TMCC1: variants seen among roughly 807,000 people sequenced by gnomAD.
TMCC1 encodes the protein transmembrane and coiled-coil domains protein 1.
In TMCC1, 15 loss-of-function variants were observed where a neutral mutation model predicts 52.4. That is an observed-to-expected ratio of 0.29 (90% CI 0.19 to 0.44). TMCC1 has a LOEUF of 0.44. Ranked by LOEUF, TMCC1 falls within the 20% of genes least tolerant of loss-of-function variation. TMCC1 has a pLI of 1.00. For missense variants in TMCC1, 503 were observed against 806.0 expected (o/e 0.62, Z 4.55); for synonymous variants, 279 against 301.9 (o/e 0.92, Z 0.79).
rs1033542048 is a variant in TMCC1, at chr3:129,828,069, G to A, written c.310C>T (p.Arg104Cys). Reference protein sequence around the residue: ...GVPTHPTALNRVLQQIRVPPK... With the variant: ...GVPTHPTALNCVLQQIRVPPK... ...GGCACTCGAATCTGCTGCAGGACACGATTCAGAGCTGTGGGGTGGGTGGGG... is the reference window on the plus strand; with the variant it reads ...GGCACTCGAATCTGCTGCAGGACACAATTCAGAGCTGTGGGGTGGGTGGGG... The change falls in exon 4 of 7, where the codon CGT becomes TGT. Residue 104 changes from arginine (R) to cysteine (C), a missense_variant. Around this residue, in one of 7 missense-constraint regions of TMCC1, gnomAD observed 217 missense variants for 297.9 expected, o/e 0.73. Transcript: ENST00000393238. This position sits in a 1 kb window ranked among gnomAD's most constrained non-coding sequence, Gnocchi z 4.1. The A allele has an allele frequency of 6.2e-7, 1 of 1,614,140 alleles. No individual in the cohort carries two copies.
chr3:129,848,725 G>A (rs1334513126), intron 2 of TMCC1, among the ~76,000 whole-genome samples: 4 of 152,088 alleles, frequency 2.6e-5, no homozygotes, highest in Non-Finnish European at 5.9e-5. Flanking sequence ...CCTCAAATGA[G>A]CATTTGATTC....
intron 4 of TMCC1, among the ~76,000 whole-genome samples, chr3:129,681,132 A>C (rs1279024424): frequency 1.3e-5 from 2 of 152,146 alleles, no homozygotes; most frequent in African/African-American, 4.8e-5. Flanking sequence ...GTATATTATA[A>C]TATTTATGGC....
At chr3:129,691,715 T>A (rs2047042408) in intron 4 of TMCC1, among the ~76,000 whole-genome samples, 1 of 152,138 alleles carries the variant, frequency 6.6e-6, no homozygotes, top group Admixed American at 6.5e-5. Context: ...GCCTAGGAGT[T>A]TGAGCTGCAG....
At chr3:129,872,695 A>G (rs72987390) in intron 2 of TMCC1, among the ~76,000 whole-genome samples, 14,781 of 152,058 alleles carry the variant, frequency 0.097, 849 homozygotes, top group Middle Eastern at 0.16. Context: ...AAGCCAACAT[A>G]ATGAGGAAAA....
chr3:129,664,896 C>T (rs1488054166), intron 5 of TMCC1, among the ~76,000 whole-genome samples: 2 of 152,126 alleles, frequency 1.3e-5, no homozygotes, highest in African/African-American at 4.8e-5. Flanking sequence ...TGTGACCTGG[C>T]AAAAGTCACT....
intron 4 of TMCC1, among the ~76,000 whole-genome samples, chr3:129,697,703 C>T (rs1241906089): frequency 6.6e-6 from 1 of 152,180 alleles, no homozygotes; most frequent in East Asian, 1.9e-4. Flanking sequence ...CTGCCAGATA[C>T]TGTAAATAAT....
chr3:129,752,620 C>T (rs1463183456), intron 4 of TMCC1, among the ~76,000 whole-genome samples: 1 of 151,898 alleles, frequency 6.6e-6, no homozygotes, highest in Admixed American at 6.6e-5. Context: ...GAGCCAAGAT[C>T]ACGCCACTGC....
intron 4 of TMCC1, among the ~76,000 whole-genome samples, chr3:129,751,886 A>G (rs1341676378): frequency 1.3e-5 from 2 of 152,122 alleles, no homozygotes; most frequent in Non-Finnish European, 2.9e-5. Context: ...TATCTTCAAC[A>G]TTCATACTGA....
intron 4 of TMCC1, among the ~76,000 whole-genome samples, chr3:129,727,781 T>G (rs1027792450): frequency 6.6e-6 from 1 of 152,218 alleles, no homozygotes; most frequent in African/African-American, 2.4e-5. Context: ...CGTAGTCTTC[T>G]TCCCATACTG....
At chr3:129,686,991 C>T (rs1384391552) in intron 4 of TMCC1, among the ~76,000 whole-genome samples, 1 of 152,136 alleles carries the variant, frequency 6.6e-6, no homozygotes, top group East Asian at 1.9e-4. Context: ...TTCACTGCTT[C>T]TTAGAATTGA....
chr3:129,833,224 T>A (rs1167240728), intron 2 of TMCC1, among the ~76,000 whole-genome samples: 1 of 152,016 alleles, frequency 6.6e-6, no homozygotes, highest in Non-Finnish European at 1.5e-5. Context: ...ATAAGTAAAA[T>A]TTTTTTTCAA....
chr3:129,683,809 T>C (rs535840753), intron 4 of TMCC1, among the ~76,000 whole-genome samples: 2 of 152,262 alleles, frequency 1.3e-5, no homozygotes, highest in African/African-American at 4.8e-5. Context: ...TTAAGAGAAA[T>C]TTATTTAAAC....
At chr3:129,797,161 C>A (rs1172694167) in intron 4 of TMCC1, among the ~76,000 whole-genome samples, 2 of 151,972 alleles carry the variant, frequency 1.3e-5, no homozygotes, top group African/African-American at 4.8e-5. Flanking sequence ...CCCATCTCTA[C>A]TAAAAATACA....
chr3:129,868,309 C>T (rs189226141), intron 2 of TMCC1, among the ~76,000 whole-genome samples: 1 of 152,276 alleles, frequency 6.6e-6, no homozygotes, highest in East Asian at 1.9e-4. Flanking sequence ...GAACATTATT[C>T]CTGGCAGAAA....
At chr3:129,794,497 A>G in intron 4 of TMCC1, 1 of 388,642 alleles carries the variant, frequency 2.6e-6, no homozygotes, top group Non-Finnish European at 5.0e-6. Flanking sequence ...GTCTTAGCAA[A>G]CTTGGAAAGC....
chr3:129,736,601 C>T (rs1357631612), intron 4 of TMCC1, among the ~76,000 whole-genome samples: 1 of 151,500 alleles, frequency 6.6e-6, no homozygotes, highest in East Asian at 1.9e-4. Flanking sequence ...GGCTCACTGC[C>T]ACCCCCACCT....
chr3:129,691,445 G>A (rs1253779084), intron 4 of TMCC1, among the ~76,000 whole-genome samples: 1 of 152,068 alleles, frequency 6.6e-6, no homozygotes, highest in East Asian at 1.9e-4. Flanking sequence ...CTAAAAAGTT[G>A]TAGAACTAAA....
At chr3:129,754,178 T>C (rs1419226041) in intron 4 of TMCC1, among the ~76,000 whole-genome samples, 2 of 152,102 alleles carry the variant, frequency 1.3e-5, no homozygotes, top group Admixed American at 6.5e-5. Flanking sequence ...CGTGACAAAA[T>C]ATATGCAGGA....
At chr3:129,886,722 T>C (rs2061722083) in intron 1 of TMCC1, among the ~76,000 whole-genome samples, 1 of 151,540 alleles carries the variant, frequency 6.6e-6, no homozygotes. Context: ...GACCAATCAC[T>C]TGAGGTCAGG....
Sources: allele counts gnomAD v4.1 joint callset (sites outside exome capture counted in the v4.1 genomes callset), GRCh38; gene constraint gnomAD v4.1.1; regional missense constraint gnomAD v4.1.1; non-coding constraint Gnocchi (gnomAD v3.1); transcripts MANE v1.5; gene names NCBI Gene and HGNC (gene_info 2026-07-23, HGNC 2026-07-21).